The following RBFOX1 variants were observed in gnomAD, a reference collection of about 807,000 sequenced individuals.
RBFOX1 encodes the protein RNA binding protein fox-1 homolog 1.
RBFOX1 carries 8 observed loss-of-function variants against 57.7 expected under a neutral mutation model. That is an observed-to-expected ratio of 0.14 (90% CI 0.08 to 0.25). The LOEUF is 0.25. Ranked by LOEUF, RBFOX1 falls within the 10% of genes least tolerant of loss-of-function variation. RBFOX1 has a pLI of 1.00. For synonymous variants in RBFOX1, 326 were observed against 222.4 expected (o/e 1.47, Z -4.15); for missense variants, 611 against 548.5 (o/e 1.11, Z -1.14).
chr16:7,473,543 C>T lies in RBFOX1; in HGVS notation c.28-44604C>T, dbSNP rs78237441. ...ATATAATATATATAAAGGACCTTGACTATAGTAGTATTTAGCGAAAGCAGT... is the reference window on the plus strand; with the variant it reads ...ATATAATATATATAAAGGACCTTGATTATAGTAGTATTTAGCGAAAGCAGT... On this transcript the variant is annotated intron_variant, in intron 4 of 15. Transcript: ENST00000550418. Among the ~76,000 whole-genome samples the T allele has an allele frequency of 9.9e-3, 1,481 of 149,684 alleles. 33 individuals carry two copies. Among genetic ancestry groups the T allele is most frequent in the African/African-American group, 0.035 (1,422 of 40,912 alleles).
At chr16:5,326,356 G>C (rs188101416) in intron 1 of RBFOX1, among the ~76,000 whole-genome samples, 1 of 152,164 alleles carries the variant, frequency 6.6e-6, no homozygotes, top group East Asian at 1.9e-4. Flanking sequence ...GGTCATGTGA[G>C]CACCAAAAAA....
chr16:5,283,517 A>C (rs566658717), intron 1 of RBFOX1, among the ~76,000 whole-genome samples: 6 of 152,088 alleles, frequency 3.9e-5, no homozygotes, highest in Admixed American at 1.3e-4. Flanking sequence ...AAGCCACAGG[A>C]GTGGAGCTGT....
intron 4 of RBFOX1, among the ~76,000 whole-genome samples, chr16:6,006,571 C>A (rs1357284400): frequency 6.6e-6 from 1 of 152,206 alleles, no homozygotes; most frequent in Non-Finnish European, 1.5e-5. Context: ...TTGGCTCCAG[C>A]ATTGCCTAAA....
At chr16:5,660,214 G>A (rs80246775) in intron 3 of RBFOX1, among the ~76,000 whole-genome samples, 3 of 152,108 alleles carry the variant, frequency 2.0e-5, no homozygotes, top group East Asian at 1.9e-4. Context: ...AGGTTGTTTC[G>A]TTGAGTGTCT....
intron 4 of RBFOX1, among the ~76,000 whole-genome samples, chr16:5,981,902 G>A (rs551521782): frequency 6.6e-5 from 10 of 152,316 alleles, no homozygotes; most frequent in South Asian, 6.2e-4. Context: ...CAGGCAGGCC[G>A]GTAAACATCC....
intron 4 of RBFOX1, among the ~76,000 whole-genome samples, chr16:7,323,205 CTT>C (rs1424194719): frequency 6.6e-6 from 1 of 152,156 alleles, no homozygotes; most frequent in Non-Finnish European, 1.5e-5. Flanking sequence ...GGGAGGATCA[CTT>C]GATCCCAGGA....
chr16:7,684,691 T>C (rs929348221), intron 14 of RBFOX1, among the ~76,000 whole-genome samples: 5 of 152,070 alleles, frequency 3.3e-5, no homozygotes, highest in African/African-American at 1.2e-4. Context: ...ATGGTTTCAA[T>C]TTTGTAATTT....
At position 6,557,176 on chromosome 16, in the gene RBFOX1, T is replaced by C. The variant is rs546716000; in HGVS notation, c.-63-97427T>C. On this transcript the variant is annotated intron_variant, in intron 2 of 15. Coordinates refer to ENST00000550418, the MANE Select transcript of RBFOX1 (RefSeq NM_018723.4). ...ACATATATATACACATATATATATA[T>C]ACATATATATAATAAAAAAGTGGGA... is the stretch of plus-strand genomic sequence containing the variant. Among the ~76,000 whole-genome samples the C allele has an allele frequency of 4.4e-4, 64 of 146,662 alleles. No individual in the cohort carries two copies. The South Asian group carries it at 8.8e-3, about 20-fold the overall frequency.
chr16:5,636,142 G>T (rs1405013805), intron 3 of RBFOX1, among the ~76,000 whole-genome samples: 1 of 152,150 alleles, frequency 6.6e-6, no homozygotes, highest in Non-Finnish European at 1.5e-5. Flanking sequence ...GAGGTCAGGA[G>T]TTCGAGACCA....
intron 2 of RBFOX1, among the ~76,000 whole-genome samples, chr16:6,351,370 ATATTTTTT>A (rs1188260295): frequency 1.3e-4 from 13 of 100,506 alleles, no homozygotes; most frequent in Admixed American, 7.9e-4. Context: ...ATATATATAT[ATATTTTTT>A]TTTTTTTTTC....
At chr16:7,513,500 G>T (rs2075671700) in intron 4 of RBFOX1, among the ~76,000 whole-genome samples, 1 of 152,134 alleles carries the variant, frequency 6.6e-6, no homozygotes, top group Non-Finnish European at 1.5e-5. Context: ...CTGGACCTTG[G>T]CACTATTAAC....
chr16:7,231,520 C>G (rs925802459), intron 4 of RBFOX1, among the ~76,000 whole-genome samples: 1 of 152,188 alleles, frequency 6.6e-6, no homozygotes, highest in Non-Finnish European at 1.5e-5. Context: ...TATGACCCAG[C>G]AAACCCATTC....
chr16:6,614,649 C>G (rs1304030371), intron 2 of RBFOX1, among the ~76,000 whole-genome samples: 3 of 152,270 alleles, frequency 2.0e-5, no homozygotes, highest in African/African-American at 4.8e-5. Context: ...AGGAAGTAGC[C>G]TCTTTCCTTA....
chr16:7,404,681 T>C (rs2098306227), intron 4 of RBFOX1, among the ~76,000 whole-genome samples: 1 of 152,184 alleles, frequency 6.6e-6, no homozygotes, highest in African/African-American at 2.4e-5. Context: ...AGTCTGTGGA[T>C]ATTAAAAGAA....
In RBFOX1 at chr16:7,619,601, T is replaced by C. The variant is rs183626928; in HGVS notation, c.677-11002T>C. Among the ~76,000 whole-genome samples the C allele has an allele frequency of 6.9e-3, 1,048 of 152,278 alleles. 6 individuals are homozygous for C. Among genetic ancestry groups the C allele is most frequent in the Non-Finnish European group, 0.01 (689 of 68,016 alleles). ...TAGTTCTGTAATAGTACTTGAAATATGAAAGAAGTGACAATAGAGAAGCCT... is the reference window on the plus strand; with the variant it reads ...TAGTTCTGTAATAGTACTTGAAATACGAAAGAAGTGACAATAGAGAAGCCT... On this transcript the variant is annotated intron_variant, in intron 10 of 15. Transcript: ENST00000550418.
At chr16:6,125,029 G>T (rs2096579132) in intron 1 of RBFOX1, among the ~76,000 whole-genome samples, 2 of 151,974 alleles carry the variant, frequency 1.3e-5, no homozygotes, top group African/African-American at 4.8e-5. Context: ...CTCCCCAAGG[G>T]GCTGCTGAAT....
intron 3 of RBFOX1, among the ~76,000 whole-genome samples, chr16:7,018,956 A>C (rs951511445): frequency 1.3e-5 from 2 of 151,958 alleles, no homozygotes; most frequent in South Asian, 2.1e-4. Flanking sequence ...TCGTCTCTAC[A>C]AAAAAATTAA....
intron 3 of RBFOX1, among the ~76,000 whole-genome samples, chr16:6,949,301 C>A (rs2080210500): frequency 6.6e-6 from 1 of 152,180 alleles, no homozygotes; most frequent in Non-Finnish European, 1.5e-5. Flanking sequence ...AGAAGAAAGA[C>A]ATGTACCAGT....
At chr16:7,114,142 T>A (rs1196780842) in intron 4 of RBFOX1, among the ~76,000 whole-genome samples, 10 of 152,186 alleles carry the variant, frequency 6.6e-5, no homozygotes, top group Non-Finnish European at 1.0e-4. Flanking sequence ...TTTTTAACTT[T>A]CAGTTGTACT....
Sources: gnomAD v4.1 joint callset for allele counts (sites outside exome capture counted in the v4.1 genomes callset) on GRCh38, gnomAD v4.1.1 for gene constraint, MANE v1.5 for transcripts, NCBI Gene and HGNC (gene_info 2026-07-23, HGNC 2026-07-21) for gene names.